Variants in EYS observed in about 807,000 individuals in gnomAD.
EYS encodes EGF-like photoreceptor maintenance factor.
A neutral mutation model predicts 282.1 loss-of-function variants in EYS; 250 were observed. The ratio of observed to expected loss-of-function variants is 0.89; its 90% CI spans 0.80 to 0.98. EYS has a LOEUF of 0.98. Among genes scored for constraint, EYS ranks in the 50% least tolerant of loss-of-function variants. EYS has a pLI of 0.00. For synonymous variants in EYS, 1,355 were observed against 1,282.9 expected, an observed-to-expected ratio of 1.06 and a Z score of -1.20; for missense variants, 4,016 against 3,709.0, an observed-to-expected ratio of 1.08 and a Z score of -2.15.
intron 12 of EYS, among the ~76,000 whole-genome samples, chr6:65,108,928 T>C (rs1354959778): frequency 6.6e-6 from 1 of 152,108 alleles, no homozygotes; most frequent in Non-Finnish European, 1.5e-5. Context: ...TCTGTTGGTA[T>C]ACTTGAAAGT....
At chr6:64,156,022 ATG>A (rs140713143) in intron 31 of EYS, among the ~76,000 whole-genome samples, 5,374 of 146,804 alleles carry the variant, frequency 0.037, 194 homozygotes, top group African/African-American at 0.099. Flanking sequence ...GTGTATGTTT[ATG>A]TGTGTGTGTG....
chr6:64,975,092 T>C lies in EYS; in HGVS notation c.2259+22490A>G, dbSNP rs553887336. 7.0e-4 allele frequency among the ~76,000 whole-genome samples: 106 copies of C among 151,962 alleles called. 1 individual carries two copies. Among genetic ancestry groups the C allele is most frequent in the Middle Eastern group, 6.8e-3 (2 of 294 alleles). ...CCAAGTTTCAAAATCTTTTTATTTC[T>C]CTGAAAATTGCATTTGAGATTGATT... is the stretch of plus-strand genomic sequence containing the variant. On this transcript the variant is annotated intron_variant, in intron 14 of 42. Transcript: ENST00000503581.
At chr6:65,019,277 T>C (rs1488675385) in intron 13 of EYS, among the ~76,000 whole-genome samples, 2 of 152,236 alleles carry the variant, frequency 1.3e-5, no homozygotes, top group Admixed American at 6.5e-5. Flanking sequence ...TCTAAAAATA[T>C]TTAATTGAAC....
intron 33 of EYS, among the ~76,000 whole-genome samples, chr6:64,038,162 G>A (rs182684272): frequency 2.0e-5 from 3 of 152,046 alleles, no homozygotes; most frequent in African/African-American, 7.2e-5. Context: ...GTGGGGATGT[G>A]GATTGGGGGA....
chr6:64,104,407 A>G (rs1772935756), intron 31 of EYS, among the ~76,000 whole-genome samples: 1 of 152,054 alleles, frequency 6.6e-6, no homozygotes, highest in African/African-American at 2.4e-5. Context: ...TACATGTGCA[A>G]TAGCTAGCAA....
intron 22 of EYS, among the ~76,000 whole-genome samples, chr6:64,668,146 T>C (rs577154584): frequency 3.5e-4 from 54 of 152,232 alleles, no homozygotes; most frequent in African/African-American, 1.3e-3. Context: ...AACTAGCAAA[T>C]ATAGTTAATA....
chr6:65,592,978 T>C (rs1485210396), intron 2 of EYS, among the ~76,000 whole-genome samples: 1 of 152,012 alleles, frequency 6.6e-6, no homozygotes, highest in African/African-American at 2.4e-5. Flanking sequence ...GCCTCCTGTT[T>C]CCAGTAACTC....
At chr6:63,863,469 C>T (rs1772585717) in intron 36 of EYS, among the ~76,000 whole-genome samples, 1 of 151,602 alleles carries the variant, frequency 6.6e-6, no homozygotes, top group South Asian at 2.1e-4. Flanking sequence ...GGCTGTAATG[C>T]ATAGATTTGT....
intron 2 of EYS, among the ~76,000 whole-genome samples, chr6:65,554,380 T>C (rs2127337018): frequency 6.6e-6 from 1 of 152,338 alleles, no homozygotes; most frequent in African/African-American, 2.4e-5. Flanking sequence ...ATCTCTTTCC[T>C]GAACTTTCTC....
At chr6:65,686,323 T>C (rs1769012347) in intron 1 of EYS, among the ~76,000 whole-genome samples, 1 of 152,028 alleles carries the variant, frequency 6.6e-6, no homozygotes, top group Non-Finnish European at 1.5e-5. Flanking sequence ...AAAAATCTAA[T>C]ATGGGACAGA....
At chr6:64,830,268 A>C (rs566047280) in intron 19 of EYS, among the ~76,000 whole-genome samples, 1 of 152,012 alleles carries the variant, frequency 6.6e-6, no homozygotes, top group South Asian at 2.1e-4. Flanking sequence ...ATAAGAAATA[A>C]ATTTCTGTTA....
intron 12 of EYS, among the ~76,000 whole-genome samples, chr6:65,244,623 C>T (rs1767134622): frequency 6.6e-6 from 1 of 152,070 alleles, no homozygotes; most frequent in Non-Finnish European, 1.5e-5. Context: ...TGCCATTCTC[C>T]TGCCTCAGCC....
chr6:63,734,051 A>G lies in EYS; in HGVS notation c.8072-7371T>C, dbSNP rs567397722. 1.3e-4 allele frequency among the ~76,000 whole-genome samples: 20 copies of G among 152,320 alleles called. 2 individuals carry two copies. The South Asian group carries it at 3.7e-3, about 28-fold the overall frequency. On this transcript the variant is annotated intron_variant, in intron 41 of 42. Coordinates refer to ENST00000503581, the MANE Select transcript of EYS (RefSeq NM_001142800.2). ...AGAAAACCAAATACTGTGTGTTCTCATAAGTGGGAGCTAAACATTGGATAC... is the reference window on the plus strand; with the variant it reads ...AGAAAACCAAATACTGTGTGTTCTCGTAAGTGGGAGCTAAACATTGGATAC...
intron 26 of EYS, among the ~76,000 whole-genome samples, chr6:64,576,558 AG>A (rs1407321534): frequency 6.6e-6 from 1 of 152,056 alleles, no homozygotes; most frequent in Non-Finnish European, 1.5e-5. Context: ...TTATGGGGAA[AG>A]GTCTTTAGAA....
At chr6:65,703,224 A>ACT (rs928562437) in intron 1 of EYS, among the ~76,000 whole-genome samples, 2 of 151,692 alleles carry the variant, frequency 1.3e-5, no homozygotes, top group African/African-American at 4.9e-5. Context: ...ATATACTGTT[A>ACT]CTCTCTCTAT....
intron 12 of EYS, among the ~76,000 whole-genome samples, chr6:65,138,747 TG>T (rs1430234176): frequency 3.3e-5 from 5 of 152,210 alleles, no homozygotes; most frequent in African/African-American, 1.2e-4. Flanking sequence ...AAAGCAATGT[TG>T]CAAGACAGAA....
intron 12 of EYS, among the ~76,000 whole-genome samples, chr6:65,241,441 C>A (rs569978489): frequency 6.6e-6 from 1 of 152,172 alleles, no homozygotes; most frequent in African/African-American, 2.4e-5. Flanking sequence ...ATAAACATTT[C>A]AGAGCTGGAT....
At chr6:65,639,547 T>C (rs550024724) in intron 2 of EYS, among the ~76,000 whole-genome samples, 1 of 152,250 alleles carries the variant, frequency 6.6e-6, no homozygotes, top group South Asian at 2.1e-4. Flanking sequence ...GAATTGTGAC[T>C]ACAAAAATTG....
chr6:64,850,799 C>T (rs1043642858), intron 19 of EYS, among the ~76,000 whole-genome samples: 1 of 151,846 alleles, frequency 6.6e-6, no homozygotes, highest in African/African-American at 2.4e-5. Context: ...ATTAAGAAGA[C>T]CGATCAGATA....
Sources: allele counts gnomAD v4.1 joint callset (sites outside exome capture counted in the v4.1 genomes callset), GRCh38; gene constraint gnomAD v4.1.1; transcripts MANE v1.5; gene names NCBI Gene and HGNC (gene_info 2026-07-23, HGNC 2026-07-21).